PRKN: variants seen among roughly 807,000 people sequenced by gnomAD.
PRKN encodes E3 ubiquitin-protein ligase parkin.
Under a neutral mutation model 59.5 loss-of-function variants are expected in PRKN, and 56 were observed. The ratio of observed to expected loss-of-function variants is 0.94; its 90% confidence interval spans 0.76 to 1.18. The LOEUF (loss-of-function observed/expected upper bound fraction) is 1.18. Among genes scored for constraint, PRKN ranks in the 50% most tolerant of loss-of-function variants. PRKN has a pLI of 0.00. For synonymous variants in PRKN, 250 were observed against 222.1 expected (o/e 1.13, Z -1.12); for missense variants, 657 against 596.4 (o/e 1.10, Z -1.06).
In PRKN at chr6:162,471,318, G is replaced by A. The variant is rs1353949190; in HGVS notation, c.8-27845C>T. Among the ~76,000 whole-genome samples the A allele has an allele frequency of 3.3e-5, 5 of 151,152 alleles. No individual in the cohort carries two copies. In the South Asian group the frequency reaches 8.4e-4, roughly 25 times the overall value. On this transcript the variant is annotated intron_variant, in intron 1 of 11. Coordinates refer to ENST00000366898, the MANE Select transcript of PRKN (RefSeq NM_004562.3). The stretch of plus-strand genomic sequence containing the variant: ...TCACCATGTTGGCCAGGCTGGTCTC[G>A]AACTCCTGACCTCAGGTGATTCACC...
At chr6:161,999,667 T>A (rs928968777) in intron 5 of PRKN, among the ~76,000 whole-genome samples, 1 of 152,026 alleles carries the variant, frequency 6.6e-6, no homozygotes, top group East Asian at 1.9e-4. Context: ...GCTGCAGTGG[T>A]AGGCACAGAT....
intron 4 of PRKN, among the ~76,000 whole-genome samples, chr6:162,185,287 T>C (rs576621244): frequency 2.6e-5 from 4 of 152,266 alleles, no homozygotes; most frequent in South Asian, 2.1e-4. Flanking sequence ...AACTTACTTT[T>C]TCCCCCCACT....
intron 7 of PRKN, among the ~76,000 whole-genome samples, chr6:161,691,745 G>A (rs181424935): frequency 2.9e-4 from 44 of 152,300 alleles, no homozygotes; most frequent in Admixed American, 2.7e-3. Flanking sequence ...GGACATCCTT[G>A]TTCATAGCAT....
intron 6 of PRKN, among the ~76,000 whole-genome samples, chr6:161,856,020 C>G (rs544072156): frequency 2.4e-4 from 37 of 152,204 alleles, no homozygotes; most frequent in Non-Finnish European, 3.4e-4. Context: ...AGCATGAGTC[C>G]AAGCACAGGG....
chr6:162,580,592 G>A (rs1487259544), intron 1 of PRKN, among the ~76,000 whole-genome samples: 2 of 151,578 alleles, frequency 1.3e-5, no homozygotes, highest in Non-Finnish European at 2.9e-5. Context: ...TCTGTACGAT[G>A]CCCCCCAGCA....
In PRKN at chr6:161,429,874, T is replaced by C. The variant is rs1278980397; in HGVS notation, c.1084-42997A>G. On this transcript the variant is annotated intron_variant, in intron 9 of 11. Transcript: ENST00000366898. The surrounding 1 kb of genome is among the most constrained non-coding windows in gnomAD (Gnocchi z 4.2). ...AACTGTGAAGGATCCAAGATTTTGC[T>C]TTCTTTGCAAGCTAACAAGTTAGTC... is the stretch of plus-strand genomic sequence containing the variant. Among the ~76,000 whole-genome samples the C allele has an allele frequency of 1.3e-5, 2 of 152,196 alleles. No homozygotes were observed. The highest frequency in any genetic ancestry group is 4.8e-5 in the African/African-American group (2 of 41,432).
chr6:161,624,555 A>G (rs528826461), intron 7 of PRKN, among the ~76,000 whole-genome samples: 2 of 152,366 alleles, frequency 1.3e-5, no homozygotes, highest in East Asian at 1.9e-4. Context: ...ACAACAACAA[A>G]AAAACCTTAT....
Position 161,466,095 on chromosome 6 carries a change from G to A in PRKN, c.1084-79218C>T, listed in dbSNP as rs1790453674. On this transcript the variant is annotated intron_variant, in intron 9 of 11. Coordinates refer to ENST00000366898, the MANE Select transcript of PRKN (RefSeq NM_004562.3). This position sits in a 1 kb window ranked among gnomAD's most constrained non-coding sequence, Gnocchi z 5.0. ...GTGTGTGTGTGTGTCTGTGTGGGGAGGACACTTAAGACCTAGTCTTAGCAC... is the reference window on the plus strand; with the variant it reads ...GTGTGTGTGTGTGTCTGTGTGGGGAAGACACTTAAGACCTAGTCTTAGCAC... 6.6e-6 allele frequency among the ~76,000 whole-genome samples: 1 copy of A among 151,890 alleles called. No individual in the cohort carries two copies. The highest frequency in any genetic ancestry group is 1.5e-5 in the Non-Finnish European group (1 of 67,988).
intron 6 of PRKN, among the ~76,000 whole-genome samples, chr6:161,829,721 G>A (rs1247639681): frequency 1.3e-5 from 2 of 151,986 alleles, no homozygotes; most frequent in Non-Finnish European, 2.9e-5. Context: ...GAAAGCAAAG[G>A]GAAGCTGCAG....
intron 6 of PRKN, among the ~76,000 whole-genome samples, chr6:161,901,164 G>A (rs1777903523): frequency 6.6e-6 from 1 of 151,960 alleles, no homozygotes; most frequent in African/African-American, 2.4e-5. Flanking sequence ...TGATCCTCCT[G>A]ACCTCAGGTG....
At chr6:161,955,719 G>A (rs891071270) in intron 6 of PRKN, among the ~76,000 whole-genome samples, 1 of 152,100 alleles carries the variant, frequency 6.6e-6, no homozygotes, top group Non-Finnish European at 1.5e-5. Context: ...GCATGGTGGC[G>A]AATGCCTGTA....
chr6:161,761,712 A>G (rs1789209401), intron 7 of PRKN, among the ~76,000 whole-genome samples: 2 of 152,234 alleles, frequency 1.3e-5, no homozygotes, highest in Non-Finnish European at 1.5e-5. Context: ...CAGAGGTACC[A>G]ACTTCAGTCC....
chr6:161,829,155 G>C (rs1161348557), intron 6 of PRKN, among the ~76,000 whole-genome samples: 1 of 152,216 alleles, frequency 6.6e-6, no homozygotes, highest in Non-Finnish European at 1.5e-5. Flanking sequence ...GAACCTGAGA[G>C]GCGGAGGTTG....
chr6:161,863,254 C>G (rs895548962), intron 6 of PRKN, among the ~76,000 whole-genome samples: 2 of 151,678 alleles, frequency 1.3e-5, no homozygotes, highest in African/African-American at 2.4e-5. Context: ...CACTTTGACA[C>G]AGACCTCTCC....
chr6:161,590,330 G>T (rs566954091), intron 7 of PRKN, among the ~76,000 whole-genome samples: 1 of 152,154 alleles, frequency 6.6e-6, no homozygotes, highest in Non-Finnish European at 1.5e-5. Context: ...GGGTACGGTG[G>T]ATCACGCCTG....
intron 1 of PRKN, among the ~76,000 whole-genome samples, chr6:162,619,141 TTCC>T (rs1272442805): frequency 9.5e-6 from 1 of 105,516 alleles, no homozygotes; most frequent in East Asian, 3.2e-4. Flanking sequence ...TCCAGTATTT[TTCC>T]TTTTTTTTTT....
At chr6:161,965,036 A>C (rs1430877273) in intron 6 of PRKN, among the ~76,000 whole-genome samples, 1 of 152,036 alleles carries the variant, frequency 6.6e-6, no homozygotes, top group Non-Finnish European at 1.5e-5. Flanking sequence ...TCCATTCCCT[A>C]TCTCTCTTTG....
chr6:161,751,186 T>C (rs920278986), intron 7 of PRKN, among the ~76,000 whole-genome samples: 1 of 152,196 alleles, frequency 6.6e-6, no homozygotes, highest in African/African-American at 2.4e-5. Context: ...CAGGTCTACC[T>C]TTTTGCCCAA....
At position 162,205,761 on chromosome 6, in the gene PRKN, C is replaced by T. The variant is rs182874096; in HGVS notation, c.413-4509G>A. Among the ~76,000 whole-genome samples, 550 of 130,496 alleles carry T rather than the reference C, an allele frequency of 4.2e-3. 4 individuals are homozygous for T. Among genetic ancestry groups the T allele is most frequent in the African/African-American group, 0.013 (505 of 38,194 alleles). The allele number at this position is 130,496 out of a possible 152,430, so 85.6% of individuals were successfully genotyped here. ...ATACACACACAGACACACACACACA[C>T]GTACATAGCATATGTAGCCATTAGC... is the stretch of plus-strand genomic sequence containing the variant. On this transcript the variant is annotated intron_variant, in intron 3 of 11. Coordinates refer to ENST00000366898, the MANE Select transcript of PRKN (RefSeq NM_004562.3).
Sources: gnomAD v4.1 joint callset for allele counts (sites outside exome capture counted in the v4.1 genomes callset) on GRCh38, gnomAD v4.1.1 for gene constraint, Gnocchi (gnomAD v3.1) non-coding constraint, MANE v1.5 for transcripts, NCBI Gene and HGNC (gene_info 2026-07-23, HGNC 2026-07-21) for gene names.